The following SHANK2 variants were observed in gnomAD, a reference collection of about 807,000 sequenced individuals.
SHANK2 encodes the protein SH3 and multiple ankyrin repeat domains protein 2.
A neutral mutation model predicts 133.7 loss-of-function variants in SHANK2; 43 were observed. The observed-to-expected ratio is 0.32, with a 90% CI of 0.25 to 0.41. The LOEUF is 0.41. Ranked by LOEUF, SHANK2 falls within the 10% of genes least tolerant of loss-of-function variation. The probability of loss-of-function intolerance (pLI) is 1.00; values close to 1 mark genes in which losing one functional copy is unlikely to be tolerated. For missense variants in SHANK2, 1,994 were observed against 2,235.8 expected (o/e 0.89, Z 2.18); for synonymous variants, 1,017 against 952.8 (o/e 1.07, Z -1.24).
chr11:70,487,379 C>A lies in SHANK2; in HGVS notation c.2914G>T (p.Gly972Cys), dbSNP rs782557528. Residue 972 changes from glycine to cysteine, a missense_variant, in exon 25 of 26, where the codon GGC (glycine) becomes TGC (cysteine). By Grantham distance (159) the Gly-to-Cys change is radical (BLOSUM62 -3). Transcript: ENST00000601538. This position sits in a 1 kb window ranked among gnomAD's most constrained non-coding sequence, Gnocchi z 5.8. Reference sequence around the variant, plus strand: ...TTGTTGCGGAAGTTGGCTTGCGGGCCGGCATTCCGACTGTAGAGGTCTTCA... The same window carrying A: ...TTGTTGCGGAAGTTGGCTTGCGGGCAGGCATTCCGACTGTAGAGGTCTTCA... The part of the protein sequence containing the change: ...DSEDLYSRNA[G>C]PQANFRNKRG... 1.2e-6 allele frequency: 2 copies of A among 1,614,106 alleles called. No homozygotes were observed.
intron 17 of SHANK2, among the ~76,000 whole-genome samples, chr11:70,577,184 C>G (rs749540584): frequency 6.6e-6 from 1 of 152,176 alleles, no homozygotes; most frequent in African/African-American, 2.4e-5. Flanking sequence ...GACTCGTGAT[C>G]CCCGTGGGGT....
intron 3 of SHANK2, among the ~76,000 whole-genome samples, chr11:71,125,151 T>C (rs1285141695): frequency 6.6e-6 from 1 of 152,142 alleles, no homozygotes; most frequent in Non-Finnish European, 1.5e-5. Context: ...GACACAATAA[T>C]ATTGAAATTA....
intron 14 of SHANK2, among the ~76,000 whole-genome samples, chr11:70,722,610 C>T (rs1443650276): frequency 6.6e-6 from 1 of 152,060 alleles, no homozygotes; most frequent in African/African-American, 2.4e-5. Flanking sequence ...TTAAAGATAA[C>T]AAGGGGAATC....
At chr11:70,842,638 T>G (rs1195532774) in intron 11 of SHANK2, among the ~76,000 whole-genome samples, 2 of 152,214 alleles carry the variant, frequency 1.3e-5, no homozygotes, top group African/African-American at 4.8e-5. Flanking sequence ...CCTAGGTCCC[T>G]CGGCCAGGAG....
chr11:71,123,211 G>A, intron 3 of SHANK2, among the ~76,000 whole-genome samples: 1 of 152,188 alleles, frequency 6.6e-6, no homozygotes, highest in Admixed American at 6.5e-5. Flanking sequence ...AGGTCCAAGA[G>A]CAGGCCTGAC....
chr11:71,203,924 T>C (rs1954073794), intron 2 of SHANK2, among the ~76,000 whole-genome samples: 1 of 152,232 alleles, frequency 6.6e-6, no homozygotes, highest in South Asian at 2.1e-4. Flanking sequence ...GGGAACCATC[T>C]ACGTGCCGCC....
At chr11:71,057,138 C>T (rs1950930882) in intron 9 of SHANK2, among the ~76,000 whole-genome samples, 1 of 152,126 alleles carries the variant, frequency 6.6e-6, no homozygotes, top group African/African-American at 2.4e-5. Flanking sequence ...AGCTTGAGAC[C>T]AGCCTGACCA....
chr11:70,523,543 C>T (rs944285415), intron 17 of SHANK2, among the ~76,000 whole-genome samples: 1 of 152,156 alleles, frequency 6.6e-6, no homozygotes, highest in Non-Finnish European at 1.5e-5. Context: ...TGGGGAGGAT[C>T]CCCGGTGCTG....
chr11:70,836,805 C>T (rs1213126), intron 11 of SHANK2, among the ~76,000 whole-genome samples: 4 of 152,376 alleles, frequency 2.6e-5, no homozygotes, highest in Admixed American at 2.0e-4. Context: ...GTCCTGTGGC[C>T]TGAAGGTTTA....
chr11:71,202,537 T>G (rs978997146), intron 2 of SHANK2, among the ~76,000 whole-genome samples: 1 of 152,124 alleles, frequency 6.6e-6, no homozygotes, highest in African/African-American at 2.4e-5. Context: ...TACCCACATC[T>G]CAGGCTACCC....
rs188376944 is a variant in SHANK2 at position 70,606,959 on chromosome 11, G to C, written c.2061+52869C>G. Among the ~76,000 whole-genome samples, 61 of 152,314 alleles carry C rather than the reference G, an allele frequency of 4.0e-4. 1 individual carries two copies. The highest frequency in any genetic ancestry group is 6.2e-4 in the South Asian group (3 of 4,828). On this transcript the variant is annotated intron_variant, in intron 17 of 25. Coordinates refer to ENST00000601538, the MANE Select transcript of SHANK2 (RefSeq NM_012309.5). The stretch of plus-strand genomic sequence containing the variant: ...GCTCGGGACCTGAGTTCCCAGTCAT[G>C]TCGTCTGTGTCTGCAGCTCCTAGAC...
intron 12 of SHANK2, among the ~76,000 whole-genome samples, chr11:70,808,188 C>G (rs531238323): frequency 6.6e-6 from 1 of 152,166 alleles, no homozygotes; most frequent in African/African-American, 2.4e-5. Context: ...ACCTATTTCT[C>G]CACTATTTTA....
intron 14 of SHANK2, among the ~76,000 whole-genome samples, chr11:70,751,906 A>G (rs1946756106): frequency 6.6e-6 from 1 of 152,180 alleles, no homozygotes; most frequent in Non-Finnish European, 1.5e-5. Flanking sequence ...ATTAAAATGG[A>G]AAAGTAACAA....
intron 21 of SHANK2, among the ~76,000 whole-genome samples, chr11:70,492,865 G>A (rs558732640): frequency 7.8e-6 from 1 of 128,016 alleles, no homozygotes; most frequent in East Asian, 2.8e-4. Context: ...GTGCAATCTT[G>A]GCTCACTGCA....
intron 17 of SHANK2, among the ~76,000 whole-genome samples, chr11:70,540,806 G>A (rs1246663506): frequency 4.5e-5 from 6 of 132,390 alleles, no homozygotes; most frequent in East Asian, 2.3e-4. Flanking sequence ...CTGAAATCAC[G>A]CCACTGCACT....
intron 4 of SHANK2, among the ~76,000 whole-genome samples, chr11:71,116,394 T>A (rs17431746): frequency 6.6e-6 from 1 of 152,170 alleles, no homozygotes; most frequent in Non-Finnish European, 1.5e-5. Context: ...CAGGAAACAA[T>A]GCCTGTAAAC....
chr11:71,176,697 A>G (rs1429881380), intron 2 of SHANK2, among the ~76,000 whole-genome samples: 1 of 152,190 alleles, frequency 6.6e-6, no homozygotes, highest in Non-Finnish European at 1.5e-5. Flanking sequence ...ACAAATGATA[A>G]TAAAAGAAGA....
chr11:71,158,152 T>A (rs540493176), intron 2 of SHANK2, among the ~76,000 whole-genome samples: 1 of 152,206 alleles, frequency 6.6e-6, no homozygotes, highest in African/African-American at 2.4e-5. Flanking sequence ...GTTTATGGAC[T>A]AAAAGCAGGG....
intron 2 of SHANK2, among the ~76,000 whole-genome samples, chr11:71,203,403 G>C (rs1043574803): frequency 6.6e-6 from 1 of 152,192 alleles, no homozygotes; most frequent in African/African-American, 2.4e-5. Context: ...TGTGCAGCTT[G>C]GACCAGATGC....
Sources: allele counts gnomAD v4.1 joint callset (sites outside exome capture counted in the v4.1 genomes callset), GRCh38; gene constraint gnomAD v4.1.1; non-coding constraint Gnocchi (gnomAD v3.1); transcripts MANE v1.5; gene names NCBI Gene and HGNC (gene_info 2026-07-23, HGNC 2026-07-21).